Variants in SH3RF3 observed in about 807,000 individuals in gnomAD.
The protein encoded by SH3RF3 is SH3 domain containing ring finger 3.
In SH3RF3, 29 loss-of-function variants were observed where a neutral mutation model predicts 66.3. The observed-to-expected ratio is 0.44, with a 90% CI of 0.33 to 0.60. The LOEUF (loss-of-function observed/expected upper bound fraction) is 0.60. SH3RF3 is among the 20% of genes least tolerant of loss of function. The pLI is 0.04. For missense variants in SH3RF3, 1,194 were observed against 1,190.9 expected, an observed-to-expected ratio of 1.00 and a Z score of -0.04; for synonymous variants, 583 against 532.0, an observed-to-expected ratio of 1.10 and a Z score of -1.32.
chr2:109,429,205 G>A (rs1413907812), intron 5 of SH3RF3, among the ~76,000 whole-genome samples: 1 of 152,146 alleles, frequency 6.6e-6, no homozygotes, highest in Non-Finnish European at 1.5e-5. Context: ...GAGGACAGCA[G>A]ATGCAGTTGA....
chr2:109,501,062 C>T (rs9751122), intron 9 of SH3RF3, among the ~76,000 whole-genome samples: 2,173 of 152,278 alleles, frequency 0.014, 49 homozygotes, highest in African/African-American at 0.05. Flanking sequence ...TTCAGAGGAA[C>T]CTGCAGAGGG....
intron 1 of SH3RF3, among the ~76,000 whole-genome samples, chr2:109,137,370 A>C (rs1290287100): frequency 6.6e-6 from 1 of 152,194 alleles, no homozygotes; most frequent in East Asian, 1.9e-4. Flanking sequence ...GCTTTCTGAG[A>C]GCAGCTTGGT....
intron 1 of SH3RF3, among the ~76,000 whole-genome samples, chr2:109,137,789 G>C (rs1157279450): frequency 6.6e-6 from 1 of 152,182 alleles, no homozygotes; most frequent in East Asian, 1.9e-4. Context: ...AGACTAATCG[G>C]TTAATCCTCC....
At chr2:109,353,771 TC>T (rs1682888148) in intron 2 of SH3RF3, among the ~76,000 whole-genome samples, 1 of 152,126 alleles carries the variant, frequency 6.6e-6, no homozygotes, top group South Asian at 2.1e-4. Context: ...CGAGAGAGTC[TC>T]CCCTGCCCGT....
intron 1 of SH3RF3, among the ~76,000 whole-genome samples, chr2:109,181,443 G>A (rs569543826): frequency 4.6e-5 from 7 of 152,168 alleles, no homozygotes; most frequent in African/African-American, 7.2e-5. Context: ...TGCATCTGGC[G>A]CTGTAAGGGT....
chr2:109,366,869 A>G (rs1683160246), intron 2 of SH3RF3, among the ~76,000 whole-genome samples: 1 of 152,218 alleles, frequency 6.6e-6, no homozygotes, highest in Admixed American at 6.5e-5. Flanking sequence ...AAATAAATAA[A>G]TAAACAAAAA....
At chr2:109,152,423 G>C (rs148773108) in intron 1 of SH3RF3, among the ~76,000 whole-genome samples, 20 of 152,288 alleles carry the variant, frequency 1.3e-4, no homozygotes, top group South Asian at 8.3e-4. Flanking sequence ...TCTGGGCTCC[G>C]ATCTCAAGTT....
intron 1 of SH3RF3, among the ~76,000 whole-genome samples, chr2:109,286,954 G>C (rs975774464): frequency 6.6e-6 from 1 of 152,216 alleles, no homozygotes; most frequent in African/African-American, 2.4e-5. Flanking sequence ...CTGCCCAGGT[G>C]GTTCCGCCAT....
intron 1 of SH3RF3, among the ~76,000 whole-genome samples, chr2:109,135,554 T>C (rs1360012163): frequency 2.0e-5 from 3 of 152,230 alleles, no homozygotes; most frequent in African/African-American, 7.2e-5. Flanking sequence ...TTCAAGTCTC[T>C]TATCACGCGT....
chr2:109,377,410 G>T (rs1342415240), intron 3 of SH3RF3, among the ~76,000 whole-genome samples: 2 of 152,180 alleles, frequency 1.3e-5, no homozygotes, highest in Non-Finnish European at 2.9e-5. Context: ...CATAGCGTCA[G>T]TGGCTGTGGT....
rs374803930 is a variant in SH3RF3, at chr2:109,185,917, C to T, written c.573+55804C>T. ...GTGTGGATGCATCCTCCCCCAGCTC[C>T]TGGGACGGCTGGCCCTGTGCCCTGT... On this transcript the variant is annotated intron_variant, in intron 1 of 9. Transcript: ENST00000309415. 1.2e-4 allele frequency among the ~76,000 whole-genome samples: 19 copies of T among 152,338 alleles called. No homozygotes were observed. The South Asian group carries it at 3.5e-3, about 28-fold the overall frequency.
chr2:109,249,581 TTC>T (rs1558981689), intron 1 of SH3RF3, among the ~76,000 whole-genome samples: 5,390 of 112,086 alleles, frequency 0.048, 415 homozygotes, highest in Admixed American at 0.073. Context: ...CCTTCCTTCC[TTC>T]CTTTCCTTTC....
intron 3 of SH3RF3, among the ~76,000 whole-genome samples, chr2:109,386,034 G>A (rs1183381560): frequency 6.6e-6 from 1 of 152,194 alleles, no homozygotes; most frequent in Non-Finnish European, 1.5e-5. Context: ...ATCCAGCTGA[G>A]GGATGAGCTG....
intron 1 of SH3RF3, among the ~76,000 whole-genome samples, chr2:109,165,611 A>G (rs918100437): frequency 6.6e-6 from 1 of 152,040 alleles, no homozygotes; most frequent in East Asian, 1.9e-4. Context: ...GACATTGCCA[A>G]CTCTGCCTTA....
chr2:109,214,120 G>T (rs1269930779), intron 1 of SH3RF3, among the ~76,000 whole-genome samples: 1 of 152,210 alleles, frequency 6.6e-6, no homozygotes, highest in Non-Finnish European at 1.5e-5. Context: ...TCTTGGGTGT[G>T]CCGGGTGCCC....
chr2:109,235,310 C>G (rs1195990338), intron 1 of SH3RF3, among the ~76,000 whole-genome samples: 4 of 152,194 alleles, frequency 2.6e-5, no homozygotes, highest in Admixed American at 2.0e-4. Context: ...TCCCCTCCCC[C>G]TTCCTACCTC....
At chr2:109,289,678 C>G (rs2105363272) in intron 1 of SH3RF3, among the ~76,000 whole-genome samples, 1 of 152,250 alleles carries the variant, frequency 6.6e-6, no homozygotes, top group Non-Finnish European at 1.5e-5. Flanking sequence ...TGTTGGCAGG[C>G]TGCACTTCAT....
At chr2:109,246,204 C>A (rs767893060) in intron 1 of SH3RF3, among the ~76,000 whole-genome samples, 3 of 152,194 alleles carry the variant, frequency 2.0e-5, no homozygotes, top group African/African-American at 7.2e-5. Flanking sequence ...AACAAAATAC[C>A]GTAAACGCAG....
chr2:109,458,852 T>C (rs531291284), intron 8 of SH3RF3, among the ~76,000 whole-genome samples: 3 of 152,218 alleles, frequency 2.0e-5, no homozygotes, highest in Non-Finnish European at 4.4e-5. Context: ...TATTAACACA[T>C]TTGCCAAATG....
Sources: allele counts gnomAD v4.1 joint callset (sites outside exome capture counted in the v4.1 genomes callset), GRCh38; gene constraint gnomAD v4.1.1; transcripts MANE v1.5; gene names NCBI Gene and HGNC (gene_info 2026-07-23, HGNC 2026-07-21).